CAP2: variants seen among roughly 807,000 people sequenced by gnomAD.
CAP2 encodes adenylyl cyclase-associated protein 2.
In CAP2, 24 loss-of-function variants were observed where a neutral mutation model predicts 57.7. That is an observed-to-expected ratio of 0.42 (90% CI 0.30 to 0.58). CAP2 has a LOEUF of 0.58. Among genes scored for constraint, CAP2 ranks in the 20% least tolerant of loss-of-function variants. The pLI, the probability that CAP2 is intolerant of heterozygous loss-of-function variation, is 0.22. For synonymous variants in CAP2, 194 were observed against 207.2 expected (o/e 0.94, Z 0.55); for missense variants, 501 against 590.3 (o/e 0.85, Z 1.57).
At chr6:17,485,809 C>T (rs577087412) in intron 4 of CAP2, among the ~76,000 whole-genome samples, 9 of 152,326 alleles carry the variant, frequency 5.9e-5, no homozygotes, top group Non-Finnish European at 4.4e-5. Context: ...ACAGAAGTAG[C>T]CCTCAAACTA....
intron 4 of CAP2, among the ~76,000 whole-genome samples, chr6:17,464,118 C>G (rs1004096275): frequency 2.6e-5 from 4 of 152,130 alleles, no homozygotes; most frequent in African/African-American, 9.7e-5. Flanking sequence ...ACTGCATTCC[C>G]TCTACCAAGG....
At chr6:17,450,309 C>A (rs1760370889) in intron 3 of CAP2, among the ~76,000 whole-genome samples, 1 of 152,218 alleles carries the variant, frequency 6.6e-6, no homozygotes, top group African/African-American at 2.4e-5. Context: ...TCTCGGCCCC[C>A]AAAGTGCTGG....
intron 7 of CAP2, among the ~76,000 whole-genome samples, chr6:17,528,110 A>G (rs1413284812): frequency 6.6e-6 from 1 of 152,156 alleles, no homozygotes; most frequent in Non-Finnish European, 1.5e-5. Context: ...GAGATATTCA[A>G]CCCTTTATTG....
intron 1 of CAP2, among the ~76,000 whole-genome samples, chr6:17,406,412 T>TTC (rs1197104013): frequency 7.4e-6 from 1 of 135,198 alleles, no homozygotes; most frequent in African/African-American, 3.7e-5. Flanking sequence ...TTTTTTTTTT[T>TTC]TGAGGCAGTC....
chr6:17,488,769 T>C (rs770936725), intron 4 of CAP2, among the ~76,000 whole-genome samples: 3 of 152,192 alleles, frequency 2.0e-5, no homozygotes, highest in Non-Finnish European at 4.4e-5. Context: ...TTAGTTCTGT[T>C]GTCATCAAAG....
chr6:17,478,819 C>T (rs1207660966), intron 4 of CAP2, among the ~76,000 whole-genome samples: 2 of 152,106 alleles, frequency 1.3e-5, no homozygotes, highest in African/African-American at 2.4e-5. Flanking sequence ...TCCCAGTGCC[C>T]TGCTTGCTTC....
At chr6:17,507,765 T>A (rs771387880) in intron 6 of CAP2, 39 bp downstream of exon 6, 5 of 1,111,326 alleles carry the variant, frequency 4.5e-6, no homozygotes, top group Non-Finnish European at 6.9e-6. Context: ...TTCAGTTGAT[T>A]ACTTGTTAGA....
intron 1 of CAP2, among the ~76,000 whole-genome samples, chr6:17,417,242 A>T (rs1759304224): frequency 6.6e-6 from 1 of 152,030 alleles, no homozygotes; most frequent in Non-Finnish European, 1.5e-5. Flanking sequence ...CAAGGAATTA[A>T]CATTAATCTC....
intron 11 of CAP2, among the ~76,000 whole-genome samples, chr6:17,547,835 T>C (rs867428329): frequency 3.2e-5 from 4 of 126,088 alleles, no homozygotes; most frequent in South Asian, 5.9e-4. Context: ...AGTGAGACTC[T>C]GTCTCAAAAA....
At position 17,440,593 on chromosome 6, in the gene CAP2, G is replaced by T. The variant is rs561876413; in HGVS notation, c.222+13903G>T. Among the ~76,000 whole-genome samples, 23 of 144,384 alleles carry T rather than the reference G, an allele frequency of 1.6e-4. 1 individual carries two copies. The highest frequency in any genetic ancestry group is 5.9e-4 in the African/African-American group (22 of 36,992). 94.7% of individuals were successfully genotyped at this position (144,384 alleles called of 152,430 possible). ...CCCATTAAGTATGATGCTTGTTTTG[G>T]GCTGAAAACAAACTGTGTGTGGTGT... On this transcript the variant is annotated intron_variant, in intron 3 of 12. Transcript: ENST00000229922.
rs1235802810 is a variant in CAP2, at chr6:17,507,873, G to A, written c.530+147G>A. ...TTTAAAGGAAAATCTAATCTTTGCA[G>A]ATAAAGTCAAGTGGAAAGTGGAATC... On this transcript the variant is annotated intron_variant, in intron 6 of 12. Coordinates refer to ENST00000229922, the MANE Select transcript of CAP2 (RefSeq NM_006366.3). 7.8e-6 allele frequency: 4 copies of A among 510,674 alleles called. No individual in the cohort carries two copies. The Admixed American group carries it at 1.4e-4, about 18-fold the overall frequency. 31.6% of individuals were successfully genotyped at this position (510,674 alleles called of 1,614,324 possible).
At chr6:17,502,659 A>G (rs1320733775) in intron 4 of CAP2, among the ~76,000 whole-genome samples, 1 of 152,174 alleles carries the variant, frequency 6.6e-6, no homozygotes, top group East Asian at 1.9e-4. Context: ...AGTTTGTTCT[A>G]GGGAAGTTAG....
chr6:17,525,752 C>T (rs1355405895), intron 7 of CAP2, among the ~76,000 whole-genome samples: 1 of 152,172 alleles, frequency 6.6e-6, no homozygotes, highest in East Asian at 1.9e-4. Context: ...AGGAAAGACA[C>T]ATTTTGGTTG....
chr6:17,482,896 C>T (rs975745181), intron 4 of CAP2, among the ~76,000 whole-genome samples: 16 of 152,202 alleles, frequency 1.1e-4, no homozygotes, highest in African/African-American at 2.7e-4. Context: ...CCACTCAGCC[C>T]GTAACACTAG....
chr6:17,449,611 G>A (rs6925085), intron 3 of CAP2, among the ~76,000 whole-genome samples: 73,421 of 151,698 alleles, frequency 0.48, 18,593 homozygotes, highest in East Asian at 0.84. Flanking sequence ...GTTTCGCCAT[G>A]TTGACCAGGC....
chr6:17,501,724 T>G (rs1761826839), intron 4 of CAP2, among the ~76,000 whole-genome samples: 1 of 152,190 alleles, frequency 6.6e-6, no homozygotes, highest in Non-Finnish European at 1.5e-5. Flanking sequence ...TTCCCTTACT[T>G]TGGGAGCCAA....
chr6:17,555,582 G>C (rs540379876), intron 12 of CAP2, among the ~76,000 whole-genome samples: 1 of 148,006 alleles, frequency 6.8e-6, no homozygotes, highest in East Asian at 2.1e-4. Flanking sequence ...ATTTTTTGGA[G>C]ATGGAGTTTT....
intron 3 of CAP2, among the ~76,000 whole-genome samples, chr6:17,444,453 A>G (rs529149489): frequency 1.7e-3 from 266 of 152,226 alleles, no homozygotes; most frequent in Non-Finnish European, 2.6e-3. Context: ...CCTGGCCAAC[A>G]TGGTGAAACT....
chr6:17,555,539 T>TTTATTA (rs535449833), intron 12 of CAP2, among the ~76,000 whole-genome samples: 7 of 150,916 alleles, frequency 4.6e-5, no homozygotes, highest in Admixed American at 1.3e-4. Flanking sequence ...GAATCTGCAT[T>TTTATTA]TTATTATTAT....
Sources: allele counts gnomAD v4.1 joint callset (sites outside exome capture counted in the v4.1 genomes callset), GRCh38; gene constraint gnomAD v4.1.1; transcripts MANE v1.5; gene names NCBI Gene and HGNC (gene_info 2026-07-23, HGNC 2026-07-21).